Variants in SIPA1L1 observed in about 807,000 individuals in gnomAD.
SIPA1L1 encodes signal induced proliferation associated 1 like 1.
SIPA1L1 carries 26 observed loss-of-function variants against 162.7 expected under a neutral mutation model. The ratio of observed to expected loss-of-function variants is 0.16; its 90% CI spans 0.12 to 0.22. The LOEUF is 0.22. Among genes scored for constraint, SIPA1L1 ranks in the 10% least tolerant of loss-of-function variants. SIPA1L1 has a pLI of 1.00. For missense variants in SIPA1L1, 1,874 were observed against 2,241.0 expected, an observed-to-expected ratio of 0.84 and a Z score of 3.31; for synonymous variants, 829 against 837.4, an observed-to-expected ratio of 0.99 and a Z score of 0.17.
chr14:71,614,657 G>A (rs1191933457), intron 5 of SIPA1L1, among the ~76,000 whole-genome samples: 1 of 152,154 alleles, frequency 6.6e-6, no homozygotes, highest in East Asian at 1.9e-4. Context: ...AACCAGAGAT[G>A]AGTTTGTTTA....
chr14:71,637,728 A>C (rs1019260094), intron 7 of SIPA1L1, among the ~76,000 whole-genome samples: 4 of 152,132 alleles, frequency 2.6e-5, no homozygotes, highest in Non-Finnish European at 1.5e-5. Context: ...TTAAAAAAAA[A>C]AAAATAAGAA....
At chr14:71,551,545 A>G (rs1277672036) in intron 4 of SIPA1L1, among the ~76,000 whole-genome samples, 5 of 152,214 alleles carry the variant, frequency 3.3e-5, no homozygotes, top group Non-Finnish European at 5.9e-5. Flanking sequence ...TACTACCAAA[A>G]GTGTCCAACT....
intron 2 of SIPA1L1, among the ~76,000 whole-genome samples, chr14:71,367,973 G>A (rs1424477819): frequency 6.7e-6 from 1 of 149,400 alleles, no homozygotes; most frequent in Non-Finnish European, 1.5e-5. Flanking sequence ...TATTTCCGGG[G>A]CATTGGGGGT....
At chr14:71,697,277 A>G (rs1477361741) in intron 13 of SIPA1L1, among the ~76,000 whole-genome samples, 1 of 152,108 alleles carries the variant, frequency 6.6e-6, no homozygotes. Flanking sequence ...TGGAAACTAG[A>G]TATCTTCTTT....
At chr14:71,496,338 A>G (rs1476336260) in intron 2 of SIPA1L1, among the ~76,000 whole-genome samples, 1 of 151,636 alleles carries the variant, frequency 6.6e-6, no homozygotes, top group African/African-American at 2.4e-5. Context: ...GATAATAAAT[A>G]TATTTCTTAA....
intron 4 of SIPA1L1, among the ~76,000 whole-genome samples, chr14:71,554,146 T>G (rs1219094266): frequency 6.6e-6 from 1 of 152,188 alleles, no homozygotes; most frequent in Non-Finnish European, 1.5e-5. Context: ...CAAAGGTAGT[T>G]TAGAGATTTT....
intron 4 of SIPA1L1, among the ~76,000 whole-genome samples, chr14:71,566,110 T>C (rs1567215879): frequency 2.0e-5 from 3 of 152,066 alleles, no homozygotes; most frequent in Non-Finnish European, 4.4e-5. Flanking sequence ...GATTACTAGA[T>C]ATGAAGTAAA....
intron 5 of SIPA1L1, among the ~76,000 whole-genome samples, chr14:71,613,035 G>T (rs944421492): frequency 6.6e-6 from 1 of 152,056 alleles, no homozygotes; most frequent in Non-Finnish European, 1.5e-5. Flanking sequence ...GAAGTCAACC[G>T]TATATGGATA....
chr14:71,662,914 G>A (rs1596742801), intron 10 of SIPA1L1, among the ~76,000 whole-genome samples: 1 of 152,188 alleles, frequency 6.6e-6, no homozygotes, highest in African/African-American at 2.4e-5. Flanking sequence ...AACATGCTAT[G>A]TACTAGATTC....
chr14:71,689,350 A>G (rs1159058529), intron 13 of SIPA1L1, among the ~76,000 whole-genome samples: 1 of 152,228 alleles, frequency 6.6e-6, no homozygotes, highest in African/African-American at 2.4e-5. Context: ...CTTTCTGATT[A>G]CAGAATTTTA....
At chr14:71,512,098 G>A (rs970453458) in intron 2 of SIPA1L1, among the ~76,000 whole-genome samples, 6 of 152,102 alleles carry the variant, frequency 3.9e-5, no homozygotes, top group Admixed American at 6.5e-5. Context: ...CACCTCCCAC[G>A]CAATTTATTT....
intron 20 of SIPA1L1, 36 bp downstream of exon 20, chr14:71,730,337 G>A (rs1329631206): frequency 6.2e-7 from 1 of 1,607,908 alleles, no homozygotes; most frequent in Non-Finnish European, 8.5e-7. Context: ...GGATGGCCCT[G>A]TTGATGATGG....
chr14:71,564,010 C>T (rs532310730), intron 4 of SIPA1L1, among the ~76,000 whole-genome samples: 2 of 152,258 alleles, frequency 1.3e-5, no homozygotes, highest in South Asian at 2.1e-4. Context: ...TGCAGTGGCA[C>T]GAACACAGCT....
intron 4 of SIPA1L1, among the ~76,000 whole-genome samples, chr14:71,563,654 C>G (rs1234402152): frequency 6.6e-6 from 1 of 152,190 alleles, no homozygotes; most frequent in African/African-American, 2.4e-5. Context: ...TGTACTACCT[C>G]ACAATGCAGT....
At position 71,715,444 on chromosome 14, in the gene SIPA1L1, A is replaced by G. The variant is rs539342491; in HGVS notation, c.4208+5780A>G. 5.9e-5 allele frequency among the ~76,000 whole-genome samples: 9 copies of G among 152,364 alleles called. No individual in the cohort carries two copies. In the South Asian group the frequency reaches 1.7e-3, roughly 28 times the overall value. The stretch of plus-strand genomic sequence containing the variant: ...ACTGGCCAGCAAACTGCATTTCAGC[A>G]GTCAGCTTGTTCAGATTCTACACAA... On this transcript the variant is annotated intron_variant, in intron 17 of 23. Transcript: ENST00000381232.
intron 2 of SIPA1L1, among the ~76,000 whole-genome samples, chr14:71,374,071 G>A (rs557649644): frequency 3.3e-5 from 5 of 152,276 alleles, no homozygotes; most frequent in African/African-American, 4.8e-5. Context: ...AAAGTACTTC[G>A]TGTTACTGCA....
intron 2 of SIPA1L1, among the ~76,000 whole-genome samples, chr14:71,497,271 C>T (rs2049865418): frequency 6.6e-6 from 1 of 152,118 alleles, no homozygotes; most frequent in Non-Finnish European, 1.5e-5. Context: ...TCTTGAACTC[C>T]TAGACTCAAG....
At chr14:71,340,306 G>A (rs1233430805) in intron 2 of SIPA1L1, among the ~76,000 whole-genome samples, 3 of 151,690 alleles carry the variant, frequency 2.0e-5, no homozygotes, top group Non-Finnish European at 4.4e-5. Context: ...GACCCATTTG[G>A]TGGTTTCTTT....
chr14:71,617,764 G>A (rs1195055758), intron 5 of SIPA1L1, among the ~76,000 whole-genome samples: 3 of 152,070 alleles, frequency 2.0e-5, no homozygotes, highest in African/African-American at 7.2e-5. Context: ...CAGTCATTTA[G>A]CCGTGTCAGA....
Sources: gnomAD v4.1 joint callset for allele counts (sites outside exome capture counted in the v4.1 genomes callset) on GRCh38, gnomAD v4.1.1 for gene constraint, MANE v1.5 for transcripts, NCBI Gene and HGNC (gene_info 2026-07-23, HGNC 2026-07-21) for gene names.